Variants in ADAM17 observed in about 807,000 individuals in gnomAD.
The protein encoded by ADAM17 is disintegrin and metalloproteinase domain-containing protein 17.
A neutral mutation model predicts 96.7 loss-of-function variants in ADAM17; 39 were observed. That is an observed-to-expected ratio of 0.40 (90% CI 0.31 to 0.53). The LOEUF is 0.53. Among genes scored for constraint, ADAM17 ranks in the 20% least tolerant of loss-of-function variants. The pLI is 0.44. For synonymous variants in ADAM17, 344 were observed against 359.2 expected, an observed-to-expected ratio of 0.96 and a Z score of 0.48; for missense variants, 777 against 1,013.2, an observed-to-expected ratio of 0.77 and a Z score of 3.17.
chr2:9,505,484 T>C, intron 11 of ADAM17, 119 bp from the exon 12 acceptor site: 4 of 1,042,104 alleles, frequency 3.8e-6, no homozygotes, highest in Non-Finnish European at 5.6e-6. Context: ...AGAGCCACCC[T>C]GGAGTTATGG....
chr2:9,542,056 A>G (rs1434972224), intron 2 of ADAM17, among the ~76,000 whole-genome samples: 1 of 152,196 alleles, frequency 6.6e-6, no homozygotes. Context: ...ATAAATAAAG[A>G]ATAATTCAGT....
rs367778507 is a variant in ADAM17, at chr2:9,495,711, CAAAA to C, written c.1784-948_1784-945del. Among the ~76,000 whole-genome samples the C allele has an allele frequency of 2.1e-5, 3 of 140,458 alleles. No homozygotes were observed. In the East Asian group the frequency reaches 6.5e-4, roughly 30 times the overall value. 92.1% of individuals were successfully genotyped at this position (140,458 alleles called of 152,430 possible). On this transcript the variant is annotated intron_variant, in intron 14 of 18. Coordinates refer to ENST00000310823, the MANE Select transcript of ADAM17 (RefSeq NM_003183.6). ...CCTGGGCGAGAGTGAGACTCCATCT[CAAAA>C]AAAAAAAAAGAAAACCTTTTCATCA...
chr2:9,553,033 T>C (rs1466723633), intron 1 of ADAM17, among the ~76,000 whole-genome samples: 1 of 152,152 alleles, frequency 6.6e-6, no homozygotes, highest in African/African-American at 2.4e-5. Flanking sequence ...ATGGTAAGGT[T>C]AAGTAACAAA....
Position 9,492,912 on chromosome 2 carries a change from G to C in ADAM17, c.2068C>G (p.Leu690Val). ...TGATGACTTACCACACAATGGACAA[G>C]AATGCTGAAAGGAATCCAAAATATC... ...SLIFWIPFSI[L>V]VHCVDKKLDK... The change falls in exon 17 of 19, where the codon CTT becomes GTT. Residue 690 changes from leucine to valine, a missense_variant. Leu to Val is a conservative substitution (Grantham distance 32). Around this residue, in one of 3 missense-constraint regions of ADAM17, gnomAD observed 197 missense variants for 219.4 expected, o/e 0.90. Coordinates refer to ENST00000310823, the MANE Select transcript of ADAM17 (RefSeq NM_003183.6). 9.3e-6 allele frequency: 15 copies of C among 1,612,170 alleles called. No homozygotes were observed. Among genetic ancestry groups the C allele is most frequent in the Non-Finnish European group, 1.3e-5 (15 of 1,178,922 alleles).
At chr2:9,531,494 G>A (rs889016538) in intron 4 of ADAM17, among the ~76,000 whole-genome samples, 2 of 151,568 alleles carry the variant, frequency 1.3e-5, no homozygotes, top group Non-Finnish European at 2.9e-5. Flanking sequence ...CTGAGACCAG[G>A]AGTTCAAGAC....
intron 3 of ADAM17, 74 bp downstream of exon 3, chr2:9,536,621 AAAG>A (rs770345269): frequency 7.0e-6 from 11 of 1,580,234 alleles, no homozygotes; most frequent in South Asian, 2.3e-5. Flanking sequence ...CTGCACCAGA[AAAG>A]AATATGCAAT....
intron 1 of ADAM17, among the ~76,000 whole-genome samples, chr2:9,547,648 A>C (rs1040824178): frequency 6.6e-6 from 1 of 152,158 alleles, no homozygotes; most frequent in Non-Finnish European, 1.5e-5. Context: ...GTACAGAGAG[A>C]ATATGAAGTG....
chr2:9,523,082 C>T (rs990277364), intron 7 of ADAM17, among the ~76,000 whole-genome samples, 167 bp downstream of exon 7: 3 of 152,158 alleles, frequency 2.0e-5, no homozygotes, highest in Non-Finnish European at 4.4e-5. Flanking sequence ...CAATCTAGAA[C>T]TAATTAACAT....
rs1405975050 is a variant in ADAM17 at position 9,502,321 on chromosome 2, C to T, written c.1545-45G>A. The T allele has an allele frequency of 3.3e-6, 5 of 1,499,682 alleles. No individual in the cohort carries two copies. In the Admixed American group the frequency reaches 5.1e-5, roughly 15 times the overall value. The allele number at this position is 1,499,682 out of a possible 1,614,324, so 92.9% of individuals were successfully genotyped here. On this transcript the variant is annotated intron_variant, in intron 12 of 18. Transcript: ENST00000310823. The stretch of plus-strand genomic sequence containing the variant: ...AGGAACAGAGCAATTCAAATTATGG[C>T]CCCATATCAAATCAAACGCTACAGT...
chr2:9,533,711 T>C (rs928427025), intron 4 of ADAM17, among the ~76,000 whole-genome samples: 2 of 152,206 alleles, frequency 1.3e-5, no homozygotes, highest in African/African-American at 4.8e-5. Flanking sequence ...TGTTCTAGAA[T>C]GTATTGAACG....
chr2:9,554,075 TG>T (rs1254996579), intron 1 of ADAM17, among the ~76,000 whole-genome samples: 2 of 147,398 alleles, frequency 1.4e-5, no homozygotes, highest in African/African-American at 4.9e-5. Context: ...AAAAAAAAAA[TG>T]GTCTAAAAAA....
chr2:9,512,664 C>T (rs1273457425), intron 10 of ADAM17, among the ~76,000 whole-genome samples: 2 of 152,152 alleles, frequency 1.3e-5, no homozygotes, highest in African/African-American at 4.8e-5. Context: ...GGGAGGAATG[C>T]TGCACAGAGA....
chr2:9,551,457 T>G (rs1010545702), intron 1 of ADAM17, among the ~76,000 whole-genome samples: 1 of 152,202 alleles, frequency 6.6e-6, no homozygotes, highest in Non-Finnish European at 1.5e-5. Flanking sequence ...TTCATTTATG[T>G]TTCATTTATT....
chr2:9,540,539 A>C (rs969943924), intron 2 of ADAM17, among the ~76,000 whole-genome samples: 1 of 152,190 alleles, frequency 6.6e-6, no homozygotes, highest in Non-Finnish European at 1.5e-5. Context: ...GCTAATAACC[A>C]ATACTATAAT....
At chr2:9,548,206 C>T (rs953619971) in intron 1 of ADAM17, among the ~76,000 whole-genome samples, 9 of 152,036 alleles carry the variant, frequency 5.9e-5, no homozygotes, top group African/African-American at 1.7e-4. Flanking sequence ...GTAGCAGGTG[C>T]GTATAATCTC....
In ADAM17 at chr2:9,555,682, G is replaced by A. The variant is rs890946256; in HGVS notation, c.-77C>T. The A allele has an allele frequency of 2.7e-5, 33 of 1,240,972 alleles. No homozygotes were observed. Among genetic ancestry groups the A allele is most frequent in the Non-Finnish European group, 3.3e-5 (30 of 907,566 alleles). 76.9% of individuals were successfully genotyped at this position (1,240,972 alleles called of 1,614,324 possible). On this transcript the variant is annotated 5_prime_UTR_variant, in exon 1 of 19. Transcript: ENST00000310823. ...GGGTTTCGGAAAACTGCTCACATCG[G>A]GGGAGGACGGGATCCGCCCGGCCTA...
chr2:9,516,228 A>G (rs1300435834), intron 10 of ADAM17, among the ~76,000 whole-genome samples: 1 of 151,800 alleles, frequency 6.6e-6, no homozygotes, highest in Non-Finnish European at 1.5e-5. Context: ...ACAGTTCTTT[A>G]TACATATGGA....
intron 13 of ADAM17, among the ~76,000 whole-genome samples, chr2:9,499,065 C>T (rs11690078): frequency 0.58 from 87,226 of 150,844 alleles, 26,462 homozygotes; most frequent in African/African-American, 0.69. Context: ...CCAGGTGATG[C>T]TGCTGCTGCT....
rs1661999466 is a variant in ADAM17 at position 9,490,145 on chromosome 2, G to A, written c.*32C>T. 2.0e-6 allele frequency: 3 copies of A among 1,528,990 alleles called. No individual in the cohort carries two copies. The highest frequency in any genetic ancestry group is 2.7e-6 in the Non-Finnish European group (3 of 1,124,662). The allele number at this position is 1,528,990 out of a possible 1,614,324, so 94.7% of individuals were successfully genotyped here. On this transcript the variant is annotated 3_prime_UTR_variant, in exon 19 of 19. Coordinates refer to ENST00000310823, the MANE Select transcript of ADAM17 (RefSeq NM_003183.6). ...TAGGTCAAATCTATAAAAATATTTT[G>A]CACACTTAAGTCAGAAGAGCTGAGA...
Sources: gnomAD v4.1 joint callset for allele counts (sites outside exome capture counted in the v4.1 genomes callset) on GRCh38, gnomAD v4.1.1 for gene constraint, gnomAD v4.1.1 regional missense constraint, MANE v1.5 for transcripts, NCBI Gene and HGNC (gene_info 2026-07-23, HGNC 2026-07-21) for gene names.